SOX5: variants seen among roughly 807,000 people sequenced by gnomAD.
SOX5 encodes transcription factor SOX-5.
SOX5 carries 9 observed loss-of-function variants against 92.0 expected under a neutral mutation model. That is an observed-to-expected ratio of 0.10 (90% CI 0.06 to 0.17). The LOEUF (loss-of-function observed/expected upper bound fraction) is 0.17, where lower values mean the gene tolerates loss of function less well. Ranked by LOEUF, SOX5 falls within the 10% of genes least tolerant of loss-of-function variation. The pLI is 1.00. For synonymous variants in SOX5, 344 were observed against 336.3 expected (o/e 1.02, Z -0.25); for missense variants, 642 against 944.5 (o/e 0.68, Z 4.20).
Position 23,909,688 on chromosome 12 carries a change from T to C in SOX5, c.39-13664A>G, listed in dbSNP as rs1161613968. Among the ~76,000 whole-genome samples, 10 of 152,116 alleles carry C rather than the reference T, an allele frequency of 6.6e-5. 1 individual carries two copies. Among genetic ancestry groups the C allele is most frequent in the Admixed American group, 6.6e-4 (10 of 15,264 alleles). Reference sequence around the variant, plus strand: ...TATAAACCAGTCCTGTCAAAGAACATAGTTAAGGGATGGATAAAACAGGGA... The same window carrying C: ...TATAAACCAGTCCTGTCAAAGAACACAGTTAAGGGATGGATAAAACAGGGA... On this transcript the variant is annotated intron_variant, in intron 1 of 14. Coordinates refer to ENST00000451604, the MANE Select transcript of SOX5 (RefSeq NM_006940.6).
At chr12:23,800,886 G>A (rs550114154) in intron 3 of SOX5, among the ~76,000 whole-genome samples, 1 of 152,082 alleles carries the variant, frequency 6.6e-6, no homozygotes. Context: ...ATTGCAATAG[G>A]AAATTAGATA....
chr12:24,363,542 A>T (rs952693604), intron 2 of SOX5, among the ~76,000 whole-genome samples: 1 of 152,218 alleles, frequency 6.6e-6, no homozygotes, highest in Non-Finnish European at 1.5e-5. Flanking sequence ...ATTTATAGCA[A>T]TAACATTTAT....
At chr12:23,649,508 C>G (rs1188771115) in intron 7 of SOX5, among the ~76,000 whole-genome samples, 1 of 152,046 alleles carries the variant, frequency 6.6e-6, no homozygotes, top group African/African-American at 2.4e-5. Context: ...TCTACTCTTC[C>G]CTAGGTTTTA....
intron 1 of SOX5, among the ~76,000 whole-genome samples, chr12:23,947,468 G>C (rs1944776739): frequency 1.3e-5 from 2 of 151,802 alleles, no homozygotes; most frequent in Admixed American, 1.3e-4. Context: ...GGTGCCTATA[G>C]AGACACTCAC....
At chr12:23,967,547 AC>A (rs1256423763) in intron 4 of SOX5, among the ~76,000 whole-genome samples, 2 of 152,104 alleles carry the variant, frequency 1.3e-5, no homozygotes, top group African/African-American at 4.8e-5. Flanking sequence ...CAGAGAGGTG[AC>A]TTTTCTGACT....
At chr12:24,263,536 A>AAC (rs1942521338) in intron 3 of SOX5, among the ~76,000 whole-genome samples, 2 of 135,516 alleles carry the variant, frequency 1.5e-5, no homozygotes, top group Admixed American at 1.4e-4. Flanking sequence ...TCAAAAAAAA[A>AAC]AAAACAAAAA....
intron 2 of SOX5, among the ~76,000 whole-genome samples, chr12:24,350,821 G>C (rs898980553): frequency 2.6e-5 from 4 of 152,174 alleles, no homozygotes; most frequent in African/African-American, 9.7e-5. Context: ...GGGAGGCCAA[G>C]GCAGGTGGAT....
intron 1 of SOX5, among the ~76,000 whole-genome samples, chr12:24,372,051 G>A (rs993121244): frequency 6.6e-6 from 1 of 151,914 alleles, no homozygotes; most frequent in African/African-American, 2.4e-5. Flanking sequence ...CCTCCTGTGA[G>A]AAATGAACTC....
intron 1 of SOX5, among the ~76,000 whole-genome samples, chr12:23,902,127 A>G (rs1246118292): frequency 6.6e-6 from 1 of 152,154 alleles, no homozygotes; most frequent in African/African-American, 2.4e-5. Context: ...CTTATTACTG[A>G]GCTATCACCT....
intron 4 of SOX5, among the ~76,000 whole-genome samples, chr12:23,970,699 T>C (rs948487352): frequency 2.0e-5 from 3 of 149,788 alleles, no homozygotes. Flanking sequence ...TGATAAACAC[T>C]TGGGTTGTTT....
chr12:24,332,011 A>T (rs982833884), intron 2 of SOX5, among the ~76,000 whole-genome samples: 22 of 152,154 alleles, frequency 1.4e-4, no homozygotes, highest in African/African-American at 5.3e-4. Context: ...ATATAATATG[A>T]TCACAACAGA....
chr12:23,850,061 G>A (rs988327084), intron 2 of SOX5, among the ~76,000 whole-genome samples: 4 of 152,154 alleles, frequency 2.6e-5, no homozygotes, highest in Admixed American at 2.6e-4. Flanking sequence ...CAGATACACA[G>A]AGAACGTACT....
intron 2 of SOX5, among the ~76,000 whole-genome samples, chr12:23,892,104 C>T (rs2097135146): frequency 6.6e-6 from 1 of 151,876 alleles, no homozygotes; most frequent in South Asian, 2.1e-4. Context: ...TATAAAAAGG[C>T]AGACATGTAA....
rs182271291 is a variant in SOX5 at position 24,011,775 on chromosome 12, C to A, written c.-1-115751G>T. On this transcript the variant is annotated intron_variant, in intron 4 of 4. Coordinates refer to the SOX5 transcript ENST00000446891. Reference sequence around the variant, plus strand: ...CTGAAGTGAAACTTATCCCCTATTGCAGTTTATTTATTATCTTGGTCAACT... The same window carrying A: ...CTGAAGTGAAACTTATCCCCTATTGAAGTTTATTTATTATCTTGGTCAACT... 7.0e-3 allele frequency among the ~76,000 whole-genome samples: 1,070 copies of A among 151,876 alleles called. 17 individuals are homozygous for A. Among genetic ancestry groups the A allele is most frequent in the South Asian group, 0.065 (315 of 4,822 alleles).
chr12:24,522,752 G>A (rs1950371085), intron 1 of SOX5, among the ~76,000 whole-genome samples: 2 of 152,088 alleles, frequency 1.3e-5, no homozygotes, highest in South Asian at 2.1e-4. Context: ...AAACTAGGAA[G>A]AGAAGGAAAG....
intron 4 of SOX5, among the ~76,000 whole-genome samples, chr12:24,118,028 AAAAAAAAAAAG>A (rs1467568657): frequency 2.0e-5 from 3 of 150,522 alleles, no homozygotes; most frequent in African/African-American, 4.9e-5. Context: ...CAAAAAAAAA[AAAAAAAAAAAG>A]AAAAAAAAAA....
At chr12:24,115,754 C>A (rs1947919311) in intron 4 of SOX5, among the ~76,000 whole-genome samples, 2 of 152,128 alleles carry the variant, frequency 1.3e-5, no homozygotes, top group Admixed American at 1.3e-4. Context: ...CTTGCATAGT[C>A]ATAACAATGC....
intron 13 of SOX5, among the ~76,000 whole-genome samples, chr12:23,539,449 C>A (rs1376126384): frequency 6.6e-6 from 1 of 151,892 alleles, no homozygotes; most frequent in East Asian, 1.9e-4. Context: ...TATGATGAGG[C>A]AAGATCAATC....
At chr12:23,650,547 G>A (rs1040153048) in intron 7 of SOX5, among the ~76,000 whole-genome samples, 1 of 151,300 alleles carries the variant, frequency 6.6e-6, no homozygotes, top group Admixed American at 6.6e-5. Context: ...GAAGAAAACT[G>A]CTTTCTTTCA....
Sources: allele counts gnomAD v4.1 joint callset (sites outside exome capture counted in the v4.1 genomes callset), GRCh38; gene constraint gnomAD v4.1.1; transcripts MANE v1.5; gene names NCBI Gene and HGNC (gene_info 2026-07-23, HGNC 2026-07-21).